The following ITPRIP variants were observed in gnomAD, a reference collection of about 807,000 sequenced individuals.
ITPRIP encodes the protein inositol 1,4,5-trisphosphate receptor-interacting protein.
ITPRIP carries 32 observed loss-of-function variants against 35.8 expected under a neutral mutation model. That is an observed-to-expected ratio of 0.89 (90% CI 0.68 to 1.20). ITPRIP has a LOEUF of 1.20. Ranked by LOEUF, ITPRIP falls within the 50% of genes most tolerant of loss-of-function variation. The pLI is 0.00. For synonymous variants in ITPRIP, 358 were observed against 324.0 expected (o/e 1.11, Z -1.13); for missense variants, 653 against 735.6 (o/e 0.89, Z 1.30).
Position 104,311,618 on chromosome 10 carries a change from A to G in ITPRIP, c.*2790T>C, listed in dbSNP as rs138625456. ...TATAAGGCCCTTCCCCAACATAACC[A>G]GCCTCTTGGCCTAGGGGCCAACTCT... On this transcript the variant is annotated 3_prime_UTR_variant, in exon 2 of 2. Transcript: ENST00000337478. 8.1e-4 allele frequency: 123 copies of G among 152,298 alleles called. No homozygotes were observed. Among genetic ancestry groups the G allele is most frequent in the African/African-American group, 2.8e-3 (116 of 41,574 alleles). 9.4% of individuals were successfully genotyped at this position (152,298 alleles called of 1,614,324 possible). A position where few individuals can be genotyped will look rare whatever the true frequency, so the allele number is the denominator to read the frequency against.
In ITPRIP at chr10:104,315,944, C is replaced by T; in HGVS notation, c.108G>A (p.Glu36=). 1 of 1,613,976 alleles carries T rather than the reference C, an allele frequency of 6.2e-7. No individual in the cohort carries two copies. Among genetic ancestry groups the T allele is most frequent in the Non-Finnish European group, 8.5e-7 (1 of 1,180,022 alleles). The change falls in exon 2 of 2, where the codon GAG becomes GAA. Residue 36 remains glutamate, a synonymous_variant. Coordinates refer to ENST00000337478, the MANE Select transcript of ITPRIP (RefSeq NM_001272013.2). This position sits in a 1 kb window ranked among gnomAD's most constrained non-coding sequence, Gnocchi z 5.7. ...ENATVPENEE[E]IIRKMQAHQE... is the part of the protein sequence containing the mutation. The stretch of plus-strand genomic sequence containing the variant: ...GGTGCGCCTGCATCTTGCGGATGAT[C>T]TCCTCCTCGTTCTCGGGGACTGTGG...
intron 1 of ITPRIP, among the ~76,000 whole-genome samples, chr10:104,318,247 G>A (rs778730933): frequency 2.0e-5 from 3 of 152,204 alleles, no homozygotes; most frequent in Non-Finnish European, 2.9e-5. Flanking sequence ...GCCAGGGAGG[G>A]TCCAAGGCAT....
chr10:104,335,988 G>A (rs765663671), intron 1 of ITPRIP, among the ~76,000 whole-genome samples: 12 of 152,150 alleles, frequency 7.9e-5, no homozygotes, highest in Non-Finnish European at 1.8e-4. Flanking sequence ...GTTTATCAGG[G>A]CTGCTGTGTG....
At position 104,313,648 on chromosome 10, in the gene ITPRIP, C is replaced by A. The variant is rs976930394; in HGVS notation, c.*760G>T. On this transcript the variant is annotated 3_prime_UTR_variant, in exon 2 of 2. Coordinates refer to ENST00000337478, the MANE Select transcript of ITPRIP (RefSeq NM_001272013.2). ...CACCCAGTGTGGCAAATACCCACCA[C>A]GCTCGGGACCCAGTACGTTGGGGAA... is the stretch of plus-strand genomic sequence containing the variant. The A allele has an allele frequency of 4.1e-6, 4 of 985,378 alleles. No individual in the cohort carries two copies. In the African/African-American group the frequency reaches 5.2e-5, roughly 13 times the overall value. 61.0% of individuals were successfully genotyped at this position (985,378 alleles called of 1,614,324 possible).
At position 104,315,045 on chromosome 10, in the gene ITPRIP, A is replaced by G; in HGVS notation, c.1007T>C (p.Ile336Thr). Residue 336 changes from isoleucine (I) to threonine (T), a missense_variant, in exon 2 of 2, where the codon ATC becomes ACC. By Grantham distance (89) the Ile-to-Thr change is moderately conservative. Transcript: ENST00000337478. This position sits in a 1 kb window ranked among gnomAD's most constrained non-coding sequence, Gnocchi z 5.7. ...CATGAACTTCCCTGAACGGAACTTGATCTTCAGGGACCCCGGGCTGTCCAG... is the reference window on the plus strand; with the variant it reads ...CATGAACTTCCCTGAACGGAACTTGGTCTTCAGGGACCCCGGGCTGTCCAG... ...GQLDSPGSLK[I>T]KFRSGKFMPF... 1 of 1,614,148 alleles carries G rather than the reference A, an allele frequency of 6.2e-7. No individual in the cohort carries two copies. The highest frequency in any genetic ancestry group is 8.5e-7 in the Non-Finnish European group (1 of 1,180,028).
intron 1 of ITPRIP, among the ~76,000 whole-genome samples, chr10:104,337,917 T>C (rs1316770070): frequency 6.6e-6 from 1 of 152,128 alleles, no homozygotes; most frequent in African/African-American, 2.4e-5. Flanking sequence ...GGAACAAAAA[T>C]GTGGTCCCGC....
At chr10:104,320,690 A>G (rs751443104) in intron 1 of ITPRIP, among the ~76,000 whole-genome samples, 6 of 152,010 alleles carry the variant, frequency 3.9e-5, no homozygotes, top group South Asian at 2.1e-4. Context: ...GGCATGCCCC[A>G]CCATGCCCGG....
intron 1 of ITPRIP, among the ~76,000 whole-genome samples, chr10:104,325,714 G>A (rs1479954663): frequency 6.6e-6 from 1 of 152,208 alleles, no homozygotes; most frequent in Non-Finnish European, 1.5e-5. Flanking sequence ...CGGGCACCCC[G>A]AGTCCAGCCA....
Position 104,315,929 on chromosome 10 carries a change from C to T in ITPRIP, c.123G>A (p.Met41Ile), listed in dbSNP as rs1450868363. The change falls in exon 2 of 2, where the codon ATG becomes ATA. Residue 41 changes from methionine (M) to isoleucine (I), a missense_variant. Physicochemically the swap from Met to Ile is conservative, Grantham distance 10. Coordinates refer to ENST00000337478, the MANE Select transcript of ITPRIP (RefSeq NM_001272013.2). This position sits in a 1 kb window ranked among gnomAD's most constrained non-coding sequence, Gnocchi z 5.7. ...GCTGCAGCTTCTCCTGGTGCGCCTG[C>T]ATCTTGCGGATGATCTCCTCCTCGT... ...PENEEEIIRK[M>I]QAHQEKLQLE... 1 of 1,614,004 alleles carries T rather than the reference C, an allele frequency of 6.2e-7. No individual in the cohort carries two copies. The highest frequency in any genetic ancestry group is 1.1e-5 in the South Asian group (1 of 91,080).
chr10:104,317,973 G>A (rs192914894), intron 1 of ITPRIP, among the ~76,000 whole-genome samples: 1 of 152,322 alleles, frequency 6.6e-6, no homozygotes, highest in Admixed American at 6.5e-5. Context: ...GTTGGGGAGT[G>A]GAGAAGGTCC....
In ITPRIP at chr10:104,313,341, G is replaced by A; in HGVS notation, c.*1067C>T. Reference sequence around the variant, plus strand: ...GAGCACCTCATCGAAGGAGTCTACTGTCTTACAGCAGAGACTTCGCTGCAG... The same window carrying A: ...GAGCACCTCATCGAAGGAGTCTACTATCTTACAGCAGAGACTTCGCTGCAG... On this transcript the variant is annotated 3_prime_UTR_variant, in exon 2 of 2. Coordinates refer to ENST00000337478, the MANE Select transcript of ITPRIP (RefSeq NM_001272013.2). 6.1e-6 allele frequency: 6 copies of A among 986,446 alleles called. No individual in the cohort carries two copies. The highest frequency in any genetic ancestry group is 7.2e-6 in the Non-Finnish European group (6 of 830,558). 61.1% of individuals were successfully genotyped at this position (986,446 alleles called of 1,614,324 possible).
intron 1 of ITPRIP, among the ~76,000 whole-genome samples, chr10:104,332,538 T>C (rs1215147063): frequency 1.3e-5 from 2 of 152,192 alleles, no homozygotes; most frequent in Non-Finnish European, 2.9e-5. Context: ...AGTCCTCCCT[T>C]TCCTGCCTCT....
intron 1 of ITPRIP, among the ~76,000 whole-genome samples, chr10:104,318,706 C>T (rs539884662): frequency 3.4e-4 from 52 of 152,268 alleles, no homozygotes; most frequent in Admixed American, 1.5e-3. Context: ...AGGATAGACT[C>T]GAGAGGAGAC....
rs982767071 is a variant in ITPRIP at position 104,312,860 on chromosome 10, C to A, written c.*1548G>T. 2.0e-6 allele frequency: 2 copies of A among 985,304 alleles called. No homozygotes were observed. The highest frequency in any genetic ancestry group is 2.4e-6 in the Non-Finnish European group (2 of 829,948). The allele number at this position is 985,304 out of a possible 1,614,324, so 61.0% of individuals were successfully genotyped here. A position where few individuals can be genotyped will look rare whatever the true frequency, so the allele number is the denominator to read the frequency against. On this transcript the variant is annotated 3_prime_UTR_variant, in exon 2 of 2. Transcript: ENST00000337478. ...CTCGGGAAGGCATGGCCGGCTTAAA[C>A]CCTGGAGGAACACGGTATATTCTTG...
chr10:104,337,821 G>A (rs1589898681), intron 1 of ITPRIP, among the ~76,000 whole-genome samples: 1 of 152,240 alleles, frequency 6.6e-6, no homozygotes, highest in South Asian at 2.1e-4. Context: ...GGAAAAGGGG[G>A]CAGCAAATGA....
intron 1 of ITPRIP, among the ~76,000 whole-genome samples, chr10:104,318,134 G>T (rs1160301523): frequency 6.6e-6 from 1 of 152,248 alleles, no homozygotes; most frequent in Non-Finnish European, 1.5e-5. Flanking sequence ...GCAGGGGGCA[G>T]CGAGCCAGCT....
At chr10:104,330,721 G>C (rs755287137) in intron 1 of ITPRIP, among the ~76,000 whole-genome samples, 9 of 152,178 alleles carry the variant, frequency 5.9e-5, no homozygotes, top group Non-Finnish European at 1.3e-4. Context: ...CTTAAGCATT[G>C]CACAATAAAG....
At chr10:104,322,114 C>T (rs1435183881) in intron 1 of ITPRIP, among the ~76,000 whole-genome samples, 1 of 152,164 alleles carries the variant, frequency 6.6e-6, no homozygotes, top group Non-Finnish European at 1.5e-5. Flanking sequence ...GAGCTTCCTT[C>T]CTGTTCTCTG....
rs2013564402 is a variant in ITPRIP, at chr10:104,314,256, T to C, written c.*152A>G. 3 of 1,474,076 alleles carry C rather than the reference T, an allele frequency of 2.0e-6. No individual in the cohort carries two copies. In the East Asian group the frequency reaches 7.1e-5, roughly 35 times the overall value. 91.3% of individuals were successfully genotyped at this position (1,474,076 alleles called of 1,614,324 possible). A position where few individuals can be genotyped will look rare whatever the true frequency, so the allele number is the denominator to read the frequency against. On this transcript the variant is annotated 3_prime_UTR_variant, in exon 2 of 2. Transcript: ENST00000337478. Reference sequence around the variant, plus strand: ...CTTCCCGTTGAAATTCTGTTTCCTCTGCACTGTAGGGCTTGGCTTCCTGGC... The same window carrying C: ...CTTCCCGTTGAAATTCTGTTTCCTCCGCACTGTAGGGCTTGGCTTCCTGGC...
Sources: gnomAD v4.1 joint callset for allele counts (sites outside exome capture counted in the v4.1 genomes callset) on GRCh38, gnomAD v4.1.1 for gene constraint, Gnocchi (gnomAD v3.1) non-coding constraint, MANE v1.5 for transcripts, NCBI Gene and HGNC (gene_info 2026-07-23, HGNC 2026-07-21) for gene names.